GALM: variants seen among roughly 807,000 people sequenced by gnomAD.
The protein encoded by GALM is aldose 1-epimerase.
In GALM, 43 loss-of-function variants were observed where a neutral mutation model predicts 37.4. That is an observed-to-expected ratio of 1.15 (90% CI 0.90 to 1.48). The LOEUF is 1.48. Ranked by LOEUF, GALM falls within the 40% of genes most tolerant of loss-of-function variation. The pLI, the probability that GALM is intolerant of heterozygous loss-of-function variation, is 0.00. For synonymous variants in GALM, 199 were observed against 170.6 expected (o/e 1.17, Z -1.30); for missense variants, 456 against 419.1 (o/e 1.09, Z -0.77).
At chr2:38,725,954 C>T (rs866078345) in intron 4 of GALM, among the ~76,000 whole-genome samples, 3 of 152,026 alleles carry the variant, frequency 2.0e-5, no homozygotes, top group Non-Finnish European at 2.9e-5. Flanking sequence ...TCAAGTGATC[C>T]GCCCACCTCA....
At chr2:38,711,822 T>C (rs146036385) in intron 4 of GALM, among the ~76,000 whole-genome samples, 48 of 10,108 alleles carry the variant, frequency 4.7e-3, no homozygotes, top group African/African-American at 0.013. Flanking sequence ...TCATCATCAC[T>C]ATCACCACCA....
At chr2:38,680,308 T>C in intron 2 of GALM, 9 of 178,206 alleles carry the variant, frequency 5.1e-5, no homozygotes, top group Non-Finnish European at 1.1e-4. Flanking sequence ...AGGCATGAGC[T>C]ATTGCACCTG....
chr2:38,707,134 A>G (rs1666049565), intron 4 of GALM, among the ~76,000 whole-genome samples: 1 of 151,788 alleles, frequency 6.6e-6, no homozygotes, highest in African/African-American at 2.4e-5. Flanking sequence ...TGGGAGAACT[A>G]TGGATTTGAT....
chr2:38,712,631 T>C (rs1252521325), intron 4 of GALM, among the ~76,000 whole-genome samples: 1 of 152,162 alleles, frequency 6.6e-6, no homozygotes, highest in African/African-American at 2.4e-5. Context: ...TAGGAGACTG[T>C]CCCTGGGCTT....
intron 4 of GALM, among the ~76,000 whole-genome samples, chr2:38,710,776 G>A (rs1666135747): frequency 1.4e-5 from 2 of 147,552 alleles, no homozygotes; most frequent in Non-Finnish European, 1.5e-5. Flanking sequence ...TTTTTTAGAC[G>A]GAGTTTCACT....
At chr2:38,676,457 A>C (rs1414307403) in intron 2 of GALM, among the ~76,000 whole-genome samples, 1 of 152,094 alleles carries the variant, frequency 6.6e-6, no homozygotes, top group Non-Finnish European at 1.5e-5. Flanking sequence ...TAAATGGGAA[A>C]ACCGAGGCAC....
intron 4 of GALM, among the ~76,000 whole-genome samples, chr2:38,719,700 G>A (rs1470824641): frequency 8.0e-5 from 12 of 149,206 alleles, no homozygotes; most frequent in African/African-American, 2.5e-4. Context: ...CTTCAACCCC[G>A]AAGGTGGAGG....
intron 4 of GALM, among the ~76,000 whole-genome samples, chr2:38,705,935 C>T (rs962316079): frequency 2.6e-5 from 4 of 152,018 alleles, no homozygotes; most frequent in South Asian, 2.1e-4. Flanking sequence ...TCCAACTTCC[C>T]GCTCTGGGTT....
chr2:38,703,982 C>T (rs112059124), intron 4 of GALM, among the ~76,000 whole-genome samples: 1,769 of 151,712 alleles, frequency 0.012, 34 homozygotes, highest in African/African-American at 0.04. Context: ...TGCCACTGTG[C>T]TCCAACCTGG....
At chr2:38,691,921 A>T (rs1665683233) in intron 4 of GALM, among the ~76,000 whole-genome samples, 1 of 152,182 alleles carries the variant, frequency 6.6e-6, no homozygotes, top group Non-Finnish European at 1.5e-5. Context: ...AATAAATAGC[A>T]GATTATCCAA....
chr2:38,680,062 T>A (rs1665357664), intron 2 of GALM: 1 of 455,474 alleles, frequency 2.2e-6, no homozygotes, highest in East Asian at 7.0e-5. Context: ...TCACCCAGAT[T>A]GGAGTGCAAT....
At chr2:38,670,848 C>A (rs533526659) in intron 1 of GALM, among the ~76,000 whole-genome samples, 8 of 152,290 alleles carry the variant, frequency 5.3e-5, no homozygotes, top group African/African-American at 1.7e-4. Context: ...TACTAAAGTG[C>A]TTATTAATTA....
intron 4 of GALM, among the ~76,000 whole-genome samples, chr2:38,723,067 A>T (rs1488919256): frequency 6.6e-6 from 1 of 151,990 alleles, no homozygotes; most frequent in Admixed American, 6.6e-5. Context: ...TCCTGCCTTC[A>T]TTCATCAGTT....
rs759273394 is a variant in GALM, at chr2:38,681,253, C to T, written c.346-27C>T. ...ATTTAGCTTGAGGATGGAGCAACTA[C>T]ACAACTTTGAAAACACTTTTTTCCA... On this transcript the variant is annotated intron_variant, in intron 2 of 6. Coordinates refer to ENST00000272252, the MANE Select transcript of GALM (RefSeq NM_138801.3). 1.1e-5 allele frequency: 18 copies of T among 1,590,292 alleles called. No individual in the cohort carries two copies. In the East Asian group the frequency reaches 2.5e-4, roughly 22 times the overall value.
intron 4 of GALM, among the ~76,000 whole-genome samples, chr2:38,696,079 G>A (rs1241513015): frequency 6.6e-6 from 1 of 151,806 alleles, no homozygotes; most frequent in African/African-American, 2.4e-5. Flanking sequence ...GGAGAGAAAA[G>A]CCTCTATTAT....
chr2:38,684,310 G>C (rs1317861617), intron 3 of GALM, among the ~76,000 whole-genome samples: 1 of 150,160 alleles, frequency 6.7e-6, no homozygotes, highest in Non-Finnish European at 1.5e-5. Context: ...GTCGTTTTTT[G>C]TTTTATTTTA....
In GALM at chr2:38,731,824, C is replaced by T; in HGVS notation, c.866C>T (p.Thr289Ile). 4 of 1,614,008 alleles carry T rather than the reference C, an allele frequency of 2.5e-6. No homozygotes were observed. The highest frequency in any genetic ancestry group is 3.4e-6 in the Non-Finnish European group (4 of 1,179,906). ...QFYTGNFLDG[T>I]LKGKNGAVYP... ...TACACGGGCAACTTCCTGGATGGCA[C>T]ATTAAAGGGCAAGAATGGAGCTGTC... The change falls in exon 6 of 7, where the codon ACA (threonine) becomes ATA (isoleucine). Residue 289 changes from threonine (T) to isoleucine (I), a missense_variant. Physicochemically the swap from Thr to Ile is moderately conservative, Grantham distance 89. Transcript: ENST00000272252.
At chr2:38,689,507 C>T (rs1254380144) in intron 3 of GALM, among the ~76,000 whole-genome samples, 2 of 152,194 alleles carry the variant, frequency 1.3e-5, no homozygotes, top group Non-Finnish European at 2.9e-5. Flanking sequence ...ATAGAAGAAA[C>T]ACCTCCACTA....
chr2:38,711,803 TCAC>T (rs1558591957), intron 4 of GALM, among the ~76,000 whole-genome samples: 18 of 136,476 alleles, frequency 1.3e-4, no homozygotes, highest in Non-Finnish European at 1.9e-4. Flanking sequence ...ACCATCACCA[TCAC>T]CATCATCATC....
Sources: allele counts gnomAD v4.1 joint callset (sites outside exome capture counted in the v4.1 genomes callset), GRCh38; gene constraint gnomAD v4.1.1; transcripts MANE v1.5; gene names NCBI Gene and HGNC (gene_info 2026-07-23, HGNC 2026-07-21).